Variants in OSMR observed in about 807,000 individuals in gnomAD.
OSMR encodes oncostatin M receptor.
Under a neutral mutation model 99.9 loss-of-function variants are expected in OSMR, and 81 were observed. That is an observed-to-expected ratio of 0.81 (90% CI 0.68 to 0.97). The LOEUF (loss-of-function observed/expected upper bound fraction) is 0.97. OSMR is among the 50% of genes least tolerant of loss of function. The pLI, the probability that OSMR is intolerant of heterozygous loss-of-function variation, is 0.00. For synonymous variants in OSMR, 406 were observed against 410.4 expected, an observed-to-expected ratio of 0.99 and a Z score of 0.13; for missense variants, 1,099 against 1,153.4, an observed-to-expected ratio of 0.95 and a Z score of 0.68.
chr5:38,879,500 C>A (rs1743095426), intron 3 of OSMR, among the ~76,000 whole-genome samples: 1 of 151,988 alleles, frequency 6.6e-6, no homozygotes, highest in Non-Finnish European at 1.5e-5. Context: ...GAAGTGGCTG[C>A]ATTTAAGGGA....
chr5:38,869,774 C>T (rs573362995), intron 2 of OSMR, among the ~76,000 whole-genome samples: 4 of 152,210 alleles, frequency 2.6e-5, no homozygotes, highest in East Asian at 3.9e-4. Flanking sequence ...TTACTTTGAA[C>T]TTGTTTAGAA....
chr5:38,921,810 C>T lies in OSMR; in HGVS notation c.1765+16C>T, dbSNP rs764119380. 1.9e-6 allele frequency: 3 copies of T among 1,583,018 alleles called. No individual in the cohort carries two copies. The African/African-American group carries it at 4.0e-5, about 21-fold the overall frequency. Reference sequence around the variant, plus strand: ...ATTAGCACAGGTAAGAAGAAGCTTCCATATCATCGCATTGCTATATTCACC... The same window carrying T: ...ATTAGCACAGGTAAGAAGAAGCTTCTATATCATCGCATTGCTATATTCACC... On this transcript the variant is annotated intron_variant, in intron 12 of 17. Coordinates refer to ENST00000274276, the MANE Select transcript of OSMR (RefSeq NM_003999.3).
intron 9 of OSMR, among the ~76,000 whole-genome samples, chr5:38,915,719 A>T (rs143704002): frequency 2.6e-5 from 4 of 152,370 alleles, no homozygotes; most frequent in Non-Finnish European, 5.9e-5. Flanking sequence ...ATTAAAGGGA[A>T]GTTTCAAAGT....
chr5:38,934,183 G>A lies in OSMR; in HGVS notation c.*739G>A, dbSNP rs1175685633. On this transcript the variant is annotated 3_prime_UTR_variant, in exon 18 of 18. Coordinates refer to ENST00000274276, the MANE Select transcript of OSMR (RefSeq NM_003999.3). The stretch of plus-strand genomic sequence containing the variant: ...TCTGCTCCATAGACATCAGTATTCT[G>A]CCATCATTTTTGATGACTACCTCAG... 6.6e-6 allele frequency: 1 copy of A among 152,526 alleles called. No individual in the cohort carries two copies. Among genetic ancestry groups the A allele is most frequent in the Non-Finnish European group, 1.5e-5 (1 of 68,036 alleles). The allele number at this position is 152,526 out of a possible 1,614,324, so 9.4% of individuals were successfully genotyped here.
In OSMR at chr5:38,885,624, C is replaced by A. The variant is rs1743667504; in HGVS notation, c.839+140C>A. ...ACCACCTGCCAAGGTCAAGAGGAAA[C>A]CTTTAAGTGGTGACAAGTGTCTAAT... On this transcript the variant is annotated intron_variant, in intron 6 of 17. Coordinates refer to ENST00000274276, the MANE Select transcript of OSMR (RefSeq NM_003999.3). The A allele has an allele frequency of 1.4e-5, 16 of 1,171,098 alleles. No individual in the cohort carries two copies. The South Asian group carries it at 1.4e-4, about 10-fold the overall frequency. 72.5% of individuals were successfully genotyped at this position (1,171,098 alleles called of 1,614,324 possible). A position where few individuals can be genotyped will look rare whatever the true frequency, so the allele number is the denominator to read the frequency against.
rs371224389 is a variant in OSMR, at chr5:38,933,387, C to A, written c.2883C>A (p.Thr961=). Residue 961 remains threonine (T), a synonymous_variant, in exon 18 of 18, where the codon ACC becomes ACA. Coordinates refer to ENST00000274276, the MANE Select transcript of OSMR (RefSeq NM_003999.3). ...VSLRLALPPP[T]ENSSLSSITL... ...TGCGTCTTGCCTTGCCTCCCCCGACCGAGAATAGCAGCCTCTCCTCAATTA... is the reference window on the plus strand; with the variant it reads ...TGCGTCTTGCCTTGCCTCCCCCGACAGAGAATAGCAGCCTCTCCTCAATTA... 6.2e-7 allele frequency: 1 copy of A among 1,614,048 alleles called. No homozygotes were observed. Among genetic ancestry groups the A allele is most frequent in the Non-Finnish European group, 8.5e-7 (1 of 1,179,932 alleles).
At chr5:38,861,261 C>T (rs1324050096) in intron 1 of OSMR, among the ~76,000 whole-genome samples, 1 of 151,638 alleles carries the variant, frequency 6.6e-6, no homozygotes, top group Admixed American at 6.5e-5. Flanking sequence ...GGCAGAGGAC[C>T]CTGCGGGCCT....
rs1001757697 is a variant in OSMR, at chr5:38,858,758, A to C, written c.-13-10274A>C. Among the ~76,000 whole-genome samples, 22 of 152,076 alleles carry C rather than the reference A, an allele frequency of 1.4e-4. 1 individual carries two copies. The highest frequency in any genetic ancestry group is 5.3e-4 in the African/African-American group (22 of 41,426). ...GTATGAGTTCCCTTTTCTCTGCATC[A>C]TTGCCAGCATTTGTTATTTTTGCCT... On this transcript the variant is annotated intron_variant, in intron 1 of 17. Coordinates refer to ENST00000274276, the MANE Select transcript of OSMR (RefSeq NM_003999.3).
intron 14 of OSMR, chr5:38,924,967 G>T: frequency 2.9e-6 from 1 of 347,314 alleles, no homozygotes; most frequent in Non-Finnish European, 4.0e-6. Context: ...GTATGCTTTG[G>T]CTGGATCACT....
At chr5:38,905,818 G>T (rs1017355402) in intron 9 of OSMR, among the ~76,000 whole-genome samples, 1 of 152,188 alleles carries the variant, frequency 6.6e-6, no homozygotes, top group Non-Finnish European at 1.5e-5. Context: ...CCAAAGGAAG[G>T]ATTATACATA....
At chr5:38,937,834 G>C (rs776625484), downstream of OSMR, 1 of 170,344 alleles carries the variant, frequency 5.9e-6, no homozygotes, top group Non-Finnish European at 1.3e-5. This position sits in a 1 kb window ranked among gnomAD's most constrained non-coding sequence, Gnocchi z 4.0. Context: ...TTGGAGTCAC[G>C]TGTGTCAGCA....
chr5:38,915,032 A>C (rs1437973207), intron 9 of OSMR, among the ~76,000 whole-genome samples: 3 of 152,202 alleles, frequency 2.0e-5, no homozygotes, highest in Non-Finnish European at 4.4e-5. Context: ...AAAGTATTTC[A>C]AAGGAAAGTA....
intron 12 of OSMR, among the ~76,000 whole-genome samples, chr5:38,922,660 G>T (rs1253292632): frequency 2.0e-5 from 3 of 152,172 alleles, no homozygotes; most frequent in Admixed American, 2.0e-4. Flanking sequence ...GTGGGGCCAG[G>T]TGTTTGCAAC....
rs778624076 is a variant in OSMR at position 38,876,236 on chromosome 5, C to T, written c.109C>T (p.Leu37Phe). The part of the protein sequence containing the change: ...AERLPLTPVS[L>F]KVSTNSTRQS... Reference sequence around the variant, plus strand: ...ACGTTTACCATTGACTCCTGTATCACTTAAAGTTTCCACCAATTCTACGCG... The same window carrying T: ...ACGTTTACCATTGACTCCTGTATCATTTAAAGTTTCCACCAATTCTACGCG... The change falls in exon 3 of 18, where the codon CTT (leucine) becomes TTT (phenylalanine). Residue 37 changes from leucine (L) to phenylalanine (F), a missense_variant. Transcript: ENST00000274276. 6.2e-7 allele frequency: 1 copy of T among 1,613,788 alleles called. No individual in the cohort carries two copies. Among genetic ancestry groups the T allele is most frequent in the South Asian group, 1.1e-5 (1 of 91,040 alleles).
chr5:38,907,499 G>A (rs1439422850), intron 9 of OSMR, among the ~76,000 whole-genome samples: 1 of 152,104 alleles, frequency 6.6e-6, no homozygotes, highest in Non-Finnish European at 1.5e-5. Flanking sequence ...TTGGCCAAAG[G>A]GTGACCATGA....
At chr5:38,936,733 C>T (rs1182184514), downstream of OSMR, among the ~76,000 whole-genome samples, 1 of 152,178 alleles carries the variant, frequency 6.6e-6, no homozygotes, top group Non-Finnish European at 1.5e-5. Context: ...TAAAGTAGAA[C>T]TTTTAAAACT....
downstream of OSMR, chr5:38,935,642 CATT>C (rs1746983112): frequency 6.6e-6 from 1 of 152,150 alleles, no homozygotes; most frequent in Non-Finnish European, 1.5e-5. Context: ...TTCATCATCA[CATT>C]GTGTTTTATC....
At chr5:38,908,560 C>T (rs988112531) in intron 9 of OSMR, among the ~76,000 whole-genome samples, 2 of 152,216 alleles carry the variant, frequency 1.3e-5, no homozygotes, top group Non-Finnish European at 1.5e-5. Context: ...TCCAACACAG[C>T]AGGTTCCTAG....
chr5:38,872,534 AG>A (rs757086953), intron 2 of OSMR, among the ~76,000 whole-genome samples: 6 of 152,248 alleles, frequency 3.9e-5, no homozygotes, highest in Non-Finnish European at 7.3e-5. Flanking sequence ...AGGAAATCTA[AG>A]GAGGAATTGC....
Sources: gnomAD v4.1 joint callset for allele counts (sites outside exome capture counted in the v4.1 genomes callset) on GRCh38, gnomAD v4.1.1 for gene constraint, Gnocchi (gnomAD v3.1) non-coding constraint, MANE v1.5 for transcripts, NCBI Gene and HGNC (gene_info 2026-07-23, HGNC 2026-07-21) for gene names.